Variants in TRIM64C observed in about 807,000 individuals in gnomAD.
The protein encoded by TRIM64C is tripartite motif containing 64C.
Under a neutral mutation model 36.1 loss-of-function variants are expected in TRIM64C, and 25 were observed. That is an observed-to-expected ratio of 0.69 (90% CI 0.51 to 0.97). The LOEUF (loss-of-function observed/expected upper bound fraction) is 0.97, where lower values mean the gene tolerates loss of function less well. Ranked by LOEUF, TRIM64C falls within the 50% of genes least tolerant of loss-of-function variation. The pLI, the probability that TRIM64C is intolerant of heterozygous loss-of-function variation, is 0.00. For missense variants in TRIM64C, 489 were observed against 536.8 expected (o/e 0.91, Z 0.88); for synonymous variants, 212 against 185.7 (o/e 1.14, Z -1.15).
At position 49,057,600 on chromosome 11, in the gene TRIM64C, T is replaced by A. The variant is rs532070373; in HGVS notation, c.508-222A>T. Among the ~76,000 whole-genome samples, 7 of 151,996 alleles carry A rather than the reference T, an allele frequency of 4.6e-5. No individual in the cohort carries two copies. The South Asian group carries it at 1.5e-3, about 32-fold the overall frequency. ...TATAAAGACTCCTGGTTTCCGTCAC[T>A]GTAATGCTTCTTCACAGTTCTTACT... On this transcript the variant is annotated intron_variant, in intron 2 of 5. Transcript: ENST00000617704.
chr11:49,056,591 C>T (rs1854816769), intron 3 of TRIM64C, among the ~76,000 whole-genome samples: 1 of 151,884 alleles, frequency 6.6e-6, no homozygotes, highest in African/African-American at 2.4e-5. Context: ...ATGAGCTCAG[C>T]AAGAGACGGT....
Position 49,059,081 on chromosome 11 carries a change from T to C in TRIM64C, c.32A>G (p.Asn11Ser). MDSDTLRVFQNELICCICVNY... is the reference protein window; with the variant it reads MDSDTLRVFQSELICCICVNY... ...CACGCAAATGCAGCAAATGAGCTCA[T>C]TCTGGAAGACTCGCAGGGTGTCTGA... The change falls in exon 1 of 6, where the codon AAT becomes AGT. Residue 11 changes from asparagine to serine, a missense_variant. Asn to Ser is a conservative substitution (Grantham distance 46). Coordinates refer to ENST00000617704, the MANE Select transcript of TRIM64C (RefSeq NM_001206631.1). The C allele has an allele frequency of 6.4e-7, 1 of 1,551,562 alleles. No homozygotes were observed. The highest frequency in any genetic ancestry group is 8.7e-7 in the Non-Finnish European group (1 of 1,147,148).
chr11:49,059,025 A>C lies in TRIM64C; in HGVS notation c.88T>G (p.Cys30Gly), dbSNP rs776632295. The C allele has an allele frequency of 4.7e-5, 73 of 1,552,204 alleles. No individual in the cohort carries two copies. Among genetic ancestry groups the C allele is most frequent in the Non-Finnish European group, 6.2e-5 (71 of 1,147,396 alleles). Reference protein sequence around the residue: ...NYFIDPVTTDCVHSFCRPCLC... With the variant: ...NYFIDPVTTDGVHSFCRPCLC... ...CAGGGCCTGCAAAAGCTGTGCACACAGTCAGTGGTGACCGGGTCTATGAAG... is the reference window on the plus strand; with the variant it reads ...CAGGGCCTGCAAAAGCTGTGCACACCGTCAGTGGTGACCGGGTCTATGAAG... Residue 30 changes from cysteine to glycine, a missense_variant, in exon 1 of 6, where the codon TGT becomes GGT. By Grantham distance (159) the Cys-to-Gly change is radical. Coordinates refer to ENST00000617704, the MANE Select transcript of TRIM64C (RefSeq NM_001206631.1).
At chr11:49,054,495 T>G (rs1854790590) in intron 5 of TRIM64C, among the ~76,000 whole-genome samples, 1 of 152,246 alleles carries the variant, frequency 6.6e-6, no homozygotes, top group African/African-American at 2.4e-5. Flanking sequence ...CTAAAATGTT[T>G]TTTTTCTTCA....
chr11:49,057,008 T>TA (rs1159986496), intron 3 of TRIM64C, 140 bp downstream of exon 3: 1 of 1,234,892 alleles, frequency 8.1e-7, no homozygotes, highest in African/African-American at 1.5e-5. Flanking sequence ...AATAAATGAC[T>TA]GGAAAAATGT....
chr11:49,057,972 A>C, intron 2 of TRIM64C, 106 bp downstream of exon 2: 1 of 738,056 alleles, frequency 1.4e-6, no homozygotes, highest in Non-Finnish European at 2.2e-6. Flanking sequence ...CATTTTCTTG[A>C]GGTGAAATCA....
At chr11:49,055,248 T>C (rs1854798980) in intron 5 of TRIM64C, 62 bp downstream of exon 5, 1 of 1,531,226 alleles carries the variant, frequency 6.5e-7, no homozygotes, top group South Asian at 1.2e-5. Flanking sequence ...GGGAGAAGCC[T>C]CAACCAAGGG....
intron 4 of TRIM64C, 142 bp downstream of exon 4, chr11:49,056,217 A>T (rs1854812085): frequency 1.5e-6 from 1 of 655,278 alleles, no homozygotes; most frequent in Non-Finnish European, 2.7e-6. Flanking sequence ...CAAACCAAAG[A>T]GAAGAAGATC....
chr11:49,055,556 G>A (rs116326242), intron 4 of TRIM64C, 149 bp from the exon 5 acceptor site: 9 of 1,083,620 alleles, frequency 8.3e-6, no homozygotes, highest in Non-Finnish European at 1.2e-5. Flanking sequence ...ACACTCTAGG[G>A]GCCATAAGGA....
chr11:49,055,167 C>A, intron 5 of TRIM64C, 143 bp downstream of exon 5: 2 of 951,986 alleles, frequency 2.1e-6, no homozygotes, highest in South Asian at 1.6e-5. Flanking sequence ...TATTACTATG[C>A]AGGTAGAGAA....
In TRIM64C at chr11:49,056,365, G is replaced by A. The variant is rs574326954; in HGVS notation, c.755C>T (p.Ser252Leu). The A allele has an allele frequency of 2.5e-5, 38 of 1,541,544 alleles. No individual in the cohort carries two copies. Among genetic ancestry groups the A allele is most frequent in the Middle Eastern group, 3.4e-4 (2 of 5,958 alleles). ...VELLQDVGNI[S>L]ARTDLAQMPK... ...TTTTTTAGTGTAAACTCACCTTGCC[G>A]ATATATTTCCCACATCCTGCAAAAA... Residue 252 changes from serine to leucine, a missense_variant, in exon 4 of 6, where the codon TCG (serine) becomes TTG (leucine). By Grantham distance (145) the Ser-to-Leu change is moderately radical. Coordinates refer to ENST00000617704, the MANE Select transcript of TRIM64C (RefSeq NM_001206631.1).
Position 49,055,406 on chromosome 11 carries a change from T to C in TRIM64C, c.763A>G (p.Thr255Ala). The C allele has an allele frequency of 7.0e-7, 1 of 1,436,196 alleles. No homozygotes were observed. Among genetic ancestry groups the C allele is most frequent in the South Asian group, 1.2e-5 (1 of 82,246 alleles). The allele number at this position is 1,436,196 out of a possible 1,614,324, so 89.0% of individuals were successfully genotyped here. A position where few individuals can be genotyped will look rare whatever the true frequency, so the allele number is the denominator to read the frequency against. ...LQDVGNISAR[T>A]DLAQMPKPQP... is the part of the protein sequence containing the mutation. ...GGCTTTGGCATCTGTGCCAAATCAG[T>C]TCTGCAAAAAAAAAATGGCCTCAGT... Residue 255 changes from threonine (T) to alanine (A), a missense_variant and splice_region_variant, in exon 5 of 6, where the codon ACT becomes GCT. Coordinates refer to ENST00000617704, the MANE Select transcript of TRIM64C (RefSeq NM_001206631.1).
Position 49,053,800 on chromosome 11 carries a change from C to T in TRIM64C, c.1267G>A (p.Val423Ile). The T allele has an allele frequency of 6.4e-7, 1 of 1,551,546 alleles. No homozygotes were observed. The highest frequency in any genetic ancestry group is 8.7e-7 in the Non-Finnish European group (1 of 1,146,824). Reference protein sequence around the residue: ...YDNGSVSFFDVSKGSLIYGFP... With the variant: ...YDNGSVSFFDISKGSLIYGFP... ...CCATAGATAAGAGAACCTTTAGAAA[C>T]ATCAAAAAAACTCACAGATCCATTA... The change falls in exon 6 of 6, where the codon GTT becomes ATT. Residue 423 changes from valine to isoleucine, a missense_variant. By Grantham distance (29) the Val-to-Ile change is conservative. Coordinates refer to ENST00000617704, the MANE Select transcript of TRIM64C (RefSeq NM_001206631.1).
Position 49,058,701 on chromosome 11 carries a change from G to C in TRIM64C, c.412C>G (p.Gln138Glu). 2 of 1,544,612 alleles carry C rather than the reference G, an allele frequency of 1.3e-6. No homozygotes were observed. Among genetic ancestry groups the C allele is most frequent in the Non-Finnish European group, 1.7e-6 (2 of 1,146,364 alleles). Residue 138 changes from glutamine to glutamate, a missense_variant and splice_region_variant, in exon 1 of 6, where the codon CAG becomes GAG. By Grantham distance (29) the Gln-to-Glu change is conservative. Coordinates refer to ENST00000617704, the MANE Select transcript of TRIM64C (RefSeq NM_001206631.1). The part of the protein sequence containing the change: ...IGWAAEECRV[Q>E]KLIKEMDYLW... ...ATTCAAACTGCCTTAGAGGCATCAC[G>C]TACCCTGCATTCCTCAGCAGCCCAT...
Position 49,058,309 on chromosome 11 carries a change from A to G in TRIM64C, c.413-137T>C, listed in dbSNP as rs1854837872. The G allele has an allele frequency of 4.4e-6, 3 of 688,084 alleles. No homozygotes were observed. In the South Asian group the frequency reaches 6.1e-5, roughly 14 times the overall value. 42.6% of individuals were successfully genotyped at this position (688,084 alleles called of 1,614,324 possible). On this transcript the variant is annotated intron_variant, in intron 1 of 5. Transcript: ENST00000617704. ...GGTCAGATTTTTCCAAGTTAAACAA[A>G]TATGGTTCTAATAATTTGGATGTGA...
At position 49,055,420 on chromosome 11, in the gene TRIM64C, A is replaced by AAT. The variant is rs386373809; in HGVS notation, c.762-15_762-14dup. 6.5e-7 allele frequency: 1 copy of AAT among 1,535,254 alleles called. No individual in the cohort carries two copies. Among genetic ancestry groups the AAT allele is most frequent in the Non-Finnish European group, 8.7e-7 (1 of 1,146,606 alleles). On this transcript the variant is annotated splice_polypyrimidine_tract_variant and intron_variant, in intron 4 of 5. Coordinates refer to ENST00000617704, the MANE Select transcript of TRIM64C (RefSeq NM_001206631.1). The stretch of plus-strand genomic sequence containing the variant: ...TGCCAAATCAGTTCTGCAAAAAAAA[A>AAT]ATGGCCTCAGTTATATTTCCAGGAC...
chr11:49,058,876 C>T lies in TRIM64C; in HGVS notation c.237G>A (p.Gln79=). ...ALKKLASLAR[Q]TRPQNINSSD... is the part of the protein sequence containing the mutation. The stretch of plus-strand genomic sequence containing the variant: ...AGCTGTTGATGTTCTGAGGTCTGGT[C>T]TGTCTGGCTAGGGAAGCCAGCTTTT... The change falls in exon 1 of 6, where the codon CAG becomes CAA. Residue 79 remains glutamine (Q), a synonymous_variant. Transcript: ENST00000617704. 1 of 1,550,076 alleles carries T rather than the reference C, an allele frequency of 6.5e-7. No homozygotes were observed. Among genetic ancestry groups the T allele is most frequent in the Non-Finnish European group, 8.7e-7 (1 of 1,146,932 alleles).
In TRIM64C at chr11:49,055,062, T is replaced by C. The variant is rs1590643797; in HGVS notation, c.859+248A>G. On this transcript the variant is annotated intron_variant, in intron 5 of 5. Transcript: ENST00000617704. ...TGTCTTCGTAACTACATGACCTGAA[T>C]ATTCTTTGTCCTCTTATTCTGCAGA... Among the ~76,000 whole-genome samples the C allele has an allele frequency of 2.6e-5, 4 of 152,370 alleles. No individual in the cohort carries two copies. The South Asian group carries it at 8.3e-4, about 32-fold the overall frequency.
At chr11:49,056,640 AT>A (rs1291353271) in intron 3 of TRIM64C, among the ~76,000 whole-genome samples, 2 of 151,908 alleles carry the variant, frequency 1.3e-5, no homozygotes, top group African/African-American at 2.4e-5. Context: ...AGTCTCATTA[AT>A]TTCCTAATCT....
Sources: allele counts gnomAD v4.1 joint callset (sites outside exome capture counted in the v4.1 genomes callset), GRCh38; gene constraint gnomAD v4.1.1; transcripts MANE v1.5; gene names NCBI Gene and HGNC (gene_info 2026-07-23, HGNC 2026-07-21).